Variants in CSTPP1 observed in about 807,000 individuals in gnomAD.
CSTPP1 encodes the protein UPF0705 protein C11orf49.
chr11:47,138,137 A>G, the CSTPP1 span: 1 of 184,426 alleles, frequency 5.4e-6, no homozygotes, highest in Non-Finnish European at 1.1e-5. Context: ...TAATTGACTC[A>G]CAGTTCCGCG....
the CSTPP1 span, among the ~76,000 whole-genome samples, chr11:47,156,470 A>G: frequency 6.6e-6 from 1 of 152,240 alleles, no homozygotes; most frequent in Non-Finnish European, 1.5e-5. Flanking sequence ...ACTCATCAGC[A>G]GCTTTCAGGC....
chr11:47,031,696 CTTTTTTTT>C, the CSTPP1 span, among the ~76,000 whole-genome samples: 1 of 136,066 alleles, frequency 7.3e-6, no homozygotes, highest in Non-Finnish European at 1.6e-5. Context: ...AACCCCATCT[CTTTTTTTT>C]TTTTTTTTTT....
chr11:47,050,074 A>G, the CSTPP1 span, among the ~76,000 whole-genome samples: 1 of 152,208 alleles, frequency 6.6e-6, no homozygotes, highest in Non-Finnish European at 1.5e-5. Context: ...AGATATACAT[A>G]AACAAAATGA....
the CSTPP1 span, among the ~76,000 whole-genome samples, chr11:46,976,675 A>T: frequency 6.6e-6 from 1 of 152,170 alleles, no homozygotes; most frequent in African/African-American, 2.4e-5. Context: ...CTTTCCCCAC[A>T]TGAGTTTTTT....
At chr11:47,128,885 C>T in the CSTPP1 span, among the ~76,000 whole-genome samples, 1 of 152,062 alleles carries the variant, frequency 6.6e-6, no homozygotes, top group Non-Finnish European at 1.5e-5. Flanking sequence ...ACTTTTGCCC[C>T]CCTAAAACAA....
the CSTPP1 span, among the ~76,000 whole-genome samples, chr11:46,977,845 A>G: frequency 6.6e-6 from 1 of 152,218 alleles, no homozygotes; most frequent in East Asian, 1.9e-4. Context: ...TGAGGCTCTT[A>G]GTAACAATAG....
chr11:47,138,267 A>T, the CSTPP1 span, among the ~76,000 whole-genome samples: 1 of 152,138 alleles, frequency 6.6e-6, no homozygotes, highest in Non-Finnish European at 1.5e-5. Flanking sequence ...AAAACCATCA[A>T]ATGTCTTCAG....
the CSTPP1 span, among the ~76,000 whole-genome samples, chr11:46,979,085 T>C: frequency 6.6e-6 from 1 of 152,234 alleles, no homozygotes; most frequent in Admixed American, 6.5e-5. Context: ...AATTTAATGA[T>C]AATTGATAAA....
chr11:47,004,013 C>G, the CSTPP1 span, among the ~76,000 whole-genome samples: 1 of 152,004 alleles, frequency 6.6e-6, no homozygotes, highest in Non-Finnish European at 1.5e-5. Flanking sequence ...TGTTGTTCTC[C>G]TTAAGCTCCA....
chr11:47,046,668 T>TC, the CSTPP1 span, among the ~76,000 whole-genome samples: 2 of 123,948 alleles, frequency 1.6e-5, no homozygotes, highest in Non-Finnish European at 1.7e-5. Flanking sequence ...TTCTTTTTTT[T>TC]TTTTTTTTTT....
chr11:46,940,063 G>A, the CSTPP1 span, among the ~76,000 whole-genome samples: 1 of 151,982 alleles, frequency 6.6e-6, no homozygotes, highest in Admixed American at 6.6e-5. Flanking sequence ...GTAGAGATAG[G>A]GTTTCTCCAT....
chr11:47,092,522 C>A, the CSTPP1 span, among the ~76,000 whole-genome samples: 1 of 152,162 alleles, frequency 6.6e-6, no homozygotes, highest in Non-Finnish European at 1.5e-5. Flanking sequence ...TAATATGTCA[C>A]CATATTTGTG....
the CSTPP1 span, among the ~76,000 whole-genome samples, chr11:46,942,431 A>G: frequency 1.6e-4 from 25 of 152,174 alleles, no homozygotes; most frequent in Non-Finnish European, 1.9e-4. Flanking sequence ...CCTGAGTATA[A>G]GCATGAGGGC....
chr11:47,002,531 C>CCACT, the CSTPP1 span, among the ~76,000 whole-genome samples: 1 of 152,116 alleles, frequency 6.6e-6, no homozygotes, highest in African/African-American at 2.4e-5. Flanking sequence ...ATTTCACAGC[C>CCACT]CACTGGTCCC....
chr11:46,976,718 TATGCAGTCATCC>T, the CSTPP1 span, among the ~76,000 whole-genome samples: 766 of 152,294 alleles, frequency 5.0e-3, 6 homozygotes, highest in African/African-American at 0.018. Flanking sequence ...GCCCTTATTG[TATGCAGTCATCC>T]ATGAGTATAT....
chr11:47,076,311 A>G, the CSTPP1 span, among the ~76,000 whole-genome samples: 1 of 152,198 alleles, frequency 6.6e-6, no homozygotes, highest in Non-Finnish European at 1.5e-5. Flanking sequence ...TTCTGGAGAA[A>G]CTGAAATAGC....
At chr11:47,086,531 G>C in the CSTPP1 span, among the ~76,000 whole-genome samples, 128 of 152,114 alleles carry the variant, frequency 8.4e-4, no homozygotes, top group African/African-American at 2.8e-3. Context: ...AAAGGAAGAA[G>C]GGAAGAGAAG....
At chr11:47,073,059 GACT>G in the CSTPP1 span, among the ~76,000 whole-genome samples, 1 of 152,158 alleles carries the variant, frequency 6.6e-6, no homozygotes, top group African/African-American at 2.4e-5. Context: ...TTAGTGTTGA[GACT>G]ACTTTTTTCT....
chr11:47,041,259 A>G, the CSTPP1 span: 9 of 259,604 alleles, frequency 3.5e-5, 1 homozygote, highest in South Asian at 1.7e-4. Context: ...GTATGTGTCA[A>G]TCTTGTACTT....
Sources: gnomAD v4.1 joint callset for allele counts (sites outside exome capture counted in the v4.1 genomes callset) on GRCh38, gnomAD v4.1.1 for gene constraint, MANE v1.5 for transcripts, NCBI Gene and HGNC (gene_info 2026-07-23, HGNC 2026-07-21) for gene names.